Variants in RELL1 observed in about 807,000 individuals in gnomAD.
RELL1 encodes RELT-like protein 1.
A neutral mutation model predicts 23.0 loss-of-function variants in RELL1; 10 were observed. That is an observed-to-expected ratio of 0.43 (90% CI 0.27 to 0.74). The LOEUF (loss-of-function observed/expected upper bound fraction) is 0.74. Among genes scored for constraint, RELL1 ranks in the 30% least tolerant of loss-of-function variants. The pLI, the probability that RELL1 is intolerant of heterozygous loss-of-function variation, is 0.19. For missense variants in RELL1, 315 were observed against 364.4 expected, an observed-to-expected ratio of 0.86 and a Z score of 1.10; for synonymous variants, 146 against 146.8, an observed-to-expected ratio of 0.99 and a Z score of 0.04.
At chr4:37,656,679 C>T (rs907007353) in intron 1 of RELL1, among the ~76,000 whole-genome samples, 4 of 152,188 alleles carry the variant, frequency 2.6e-5, no homozygotes, top group African/African-American at 7.2e-5. Flanking sequence ...AAGGAGTTAA[C>T]GTTGTTCTCA....
At chr4:37,675,152 C>T (rs1721985213) in intron 1 of RELL1, among the ~76,000 whole-genome samples, 1 of 152,226 alleles carries the variant, frequency 6.6e-6, no homozygotes, top group South Asian at 2.1e-4. Context: ...AGATAATCAT[C>T]TCCTGCTAAA....
intron 1 of RELL1, among the ~76,000 whole-genome samples, chr4:37,657,709 A>T (rs1376558891): frequency 6.6e-6 from 1 of 152,094 alleles, no homozygotes. Flanking sequence ...GGGCAAGGTG[A>T]GATTACACAT....
chr4:37,623,854 G>A (rs748297535), intron 6 of RELL1, among the ~76,000 whole-genome samples: 1 of 152,020 alleles, frequency 6.6e-6, no homozygotes. Context: ...CAAGTTAAAG[G>A]GTTCCCATCA....
At chr4:37,660,410 C>T (rs1056247615) in intron 1 of RELL1, among the ~76,000 whole-genome samples, 10 of 152,204 alleles carry the variant, frequency 6.6e-5, no homozygotes, top group Admixed American at 1.3e-4. Flanking sequence ...ACAAGCCCAT[C>T]TTCCATGTCC....
chr4:37,649,165 C>T, intron 2 of RELL1, 111 bp downstream of exon 2: 2 of 881,606 alleles, frequency 2.3e-6, no homozygotes, highest in Non-Finnish European at 3.6e-6. Context: ...ACTGCACCAC[C>T]TGCCACTAAA....
At position 37,665,519 on chromosome 4, in the gene RELL1, C is replaced by T. The variant is rs571584277; in HGVS notation, c.89-16019G>A. ...TAAGGGGACGCTAAATCCGAGCTTA[C>T]ACAACCTCACCAAAGGCTACTGCCC... On this transcript the variant is annotated intron_variant, in intron 1 of 6. Transcript: ENST00000454158. The T allele has an allele frequency of 7.5e-4, 257 of 343,502 alleles. 1 individual carries two copies. The highest frequency in any genetic ancestry group is 5.2e-3 in the African/African-American group (241 of 46,658). 21.3% of individuals were successfully genotyped at this position (343,502 alleles called of 1,614,324 possible). A position where few individuals can be genotyped will look rare whatever the true frequency, so the allele number is the denominator to read the frequency against.
intron 6 of RELL1, among the ~76,000 whole-genome samples, chr4:37,618,497 C>A (rs189604593): frequency 1.3e-5 from 2 of 152,114 alleles, no homozygotes; most frequent in Non-Finnish European, 2.9e-5. Context: ...CTCAGCCTCC[C>A]GAACTGCTGG....
At chr4:37,642,438 G>A (rs967558255) in intron 3 of RELL1, among the ~76,000 whole-genome samples, 7 of 152,254 alleles carry the variant, frequency 4.6e-5, no homozygotes, top group South Asian at 2.1e-4. Flanking sequence ...GATTCAGTTC[G>A]GCTCTATTTA....
Position 37,610,829 on chromosome 4 carries a change from T to A in RELL1, c.*2517A>T, listed in dbSNP as rs1719349445. Among the ~76,000 whole-genome samples the A allele has an allele frequency of 6.6e-6, 1 of 152,204 alleles. No homozygotes were observed. The highest frequency in any genetic ancestry group is 2.4e-5 in the African/African-American group (1 of 41,428). On this transcript the variant is annotated 3_prime_UTR_variant, in exon 7 of 7. Coordinates refer to ENST00000454158, the MANE Select transcript of RELL1 (RefSeq NM_001085400.2). The surrounding 1 kb of genome is among the most constrained non-coding windows in gnomAD (Gnocchi z 4.1). ...ATTAGTGTTTTCTAGAGAAAGTCTGTTGTGGATTCCCTCATCCTTAGAAAG... is the reference window on the plus strand; with the variant it reads ...ATTAGTGTTTTCTAGAGAAAGTCTGATGTGGATTCCCTCATCCTTAGAAAG...
Position 37,621,300 on chromosome 4 carries a change from C to CA in RELL1, c.*4-7959dup, listed in dbSNP as rs140076548. Among the ~76,000 whole-genome samples the CA allele has an allele frequency of 9.5e-3, 1,438 of 151,864 alleles. 22 individuals are homozygous for CA. Among genetic ancestry groups the CA allele is most frequent in the African/African-American group, 0.033 (1,386 of 41,408 alleles). ...CAAAACCTCTTCTCTACTAAAAATACAAAAAATCAGCCAGGCGTGGTGGTG... is the reference window on the plus strand; with the variant it reads ...CAAAACCTCTTCTCTACTAAAAATACAAAAAAATCAGCCAGGCGTGGTGGTG... On this transcript the variant is annotated intron_variant, in intron 6 of 6. Coordinates refer to ENST00000454158, the MANE Select transcript of RELL1 (RefSeq NM_001085400.2).
intron 1 of RELL1, among the ~76,000 whole-genome samples, chr4:37,672,987 A>G (rs1255316935): frequency 2.0e-5 from 3 of 152,180 alleles, no homozygotes; most frequent in Non-Finnish European, 2.9e-5. Context: ...TAAATGTTTA[A>G]TGGTTGAGAA....
chr4:37,625,909 TA>T (rs57957917), intron 6 of RELL1, among the ~76,000 whole-genome samples: 1 of 151,868 alleles, frequency 6.6e-6, no homozygotes. Context: ...AATAAAATGT[TA>T]AAAAAATTGT....
At chr4:37,682,367 C>T (rs1722253471) in intron 1 of RELL1, among the ~76,000 whole-genome samples, 1 of 152,194 alleles carries the variant, frequency 6.6e-6, no homozygotes, top group African/African-American at 2.4e-5. Flanking sequence ...ACCACTCAAC[C>T]TAATAGTTTA....
rs1417859097 is a variant in RELL1 at position 37,649,382 on chromosome 4, G to C, written c.207C>G (p.Ile69Met). 6.2e-7 allele frequency: 1 copy of C among 1,614,088 alleles called. No homozygotes were observed. Among genetic ancestry groups the C allele is most frequent in the African/African-American group, 1.3e-5 (1 of 74,936 alleles). Residue 69 changes from isoleucine (I) to methionine (M), a missense_variant, in exon 2 of 7, where the codon ATC (isoleucine) becomes ATG (methionine). Physicochemically the swap from Ile to Met is conservative, Grantham distance 10 (BLOSUM62 1). Coordinates refer to ENST00000454158, the MANE Select transcript of RELL1 (RefSeq NM_001085400.2). ...AAATGAGGACGCCAAAGAGACCCATGATAAAGAACACAGGGACAAGCGCGT... is the reference window on the plus strand; with the variant it reads ...AAATGAGGACGCCAAAGAGACCCATCATAAAGAACACAGGGACAAGCGCGT... ...IAYALVPVFF[I>M]MGLFGVLICH...
intron 3 of RELL1, among the ~76,000 whole-genome samples, chr4:37,642,158 CACTCGGT>C (rs1186457106): frequency 6.6e-6 from 1 of 152,182 alleles, no homozygotes; most frequent in East Asian, 1.9e-4. Flanking sequence ...TTTCAGAACC[CACTCGGT>C]ACTCACAGTC....
In RELL1 at chr4:37,673,186, C is replaced by CTTTTTTTTTTTTT. The variant is rs71189095; in HGVS notation, c.88+13001_88+13013dup. 1.6e-3 allele frequency among the ~76,000 whole-genome samples: 147 copies of CTTTTTTTTTTTTT among 93,190 alleles called. 7 individuals are homozygous for CTTTTTTTTTTTTT. The highest frequency in any genetic ancestry group is 1.8e-3 in the Non-Finnish European group (97 of 52,802). The allele number at this position is 93,190 out of a possible 152,430, so 61.1% of individuals were successfully genotyped here. On this transcript the variant is annotated intron_variant, in intron 1 of 6. Coordinates refer to ENST00000454158, the MANE Select transcript of RELL1 (RefSeq NM_001085400.2). ...CATCAAGACTATATACTTTTTTTTT[C>CTTTTTTTTTTTTT]TTTTTTTTTTTTTTTTTTTTTGAGA... is the stretch of plus-strand genomic sequence containing the variant.
At chr4:37,608,835 T>G (rs1216500646), downstream of RELL1, among the ~76,000 whole-genome samples, 11 of 152,110 alleles carry the variant, frequency 7.2e-5, no homozygotes, top group Non-Finnish European at 1.3e-4. Flanking sequence ...TTCGCCGTGT[T>G]GGCCAGGTTG....
At chr4:37,628,096 A>T (rs1298196180) in intron 6 of RELL1, among the ~76,000 whole-genome samples, 2 of 152,238 alleles carry the variant, frequency 1.3e-5, no homozygotes, top group African/African-American at 4.8e-5. Context: ...ATAATTTTTA[A>T]AACACCAATG....
intron 1 of RELL1, 88 bp downstream of exon 1, chr4:37,686,112 C>T (rs2109323702): frequency 8.9e-7 from 1 of 1,123,630 alleles, no homozygotes. Flanking sequence ...CAGGACGCCG[C>T]GGGGCTGCCG....
Sources: allele counts gnomAD v4.1 joint callset (sites outside exome capture counted in the v4.1 genomes callset), GRCh38; gene constraint gnomAD v4.1.1; non-coding constraint Gnocchi (gnomAD v3.1); transcripts MANE v1.5; gene names NCBI Gene and HGNC (gene_info 2026-07-23, HGNC 2026-07-21).